MAEA: variants seen among roughly 807,000 people sequenced by gnomAD.
MAEA encodes the protein E3 ubiquitin-protein transferase MAEA.
Under a neutral mutation model 46.2 loss-of-function variants are expected in MAEA, and 22 were observed. The ratio of observed to expected loss-of-function variants is 0.48; its 90% confidence interval spans 0.34 to 0.68. MAEA has a LOEUF of 0.68. MAEA is among the 30% of genes least tolerant of loss of function. The pLI is 0.01. For missense variants in MAEA, 393 were observed against 558.1 expected (o/e 0.70, Z 2.98); for synonymous variants, 246 against 222.6 (o/e 1.11, Z -0.94).
intron 4 of MAEA, among the ~76,000 whole-genome samples, chr4:1,324,376 GA>G (rs1738536628): frequency 6.7e-6 from 1 of 150,034 alleles, no homozygotes; most frequent in Admixed American, 6.6e-5. Context: ...GGTGTTGGAT[GA>G]AGTTGAGGTT....
chr4:1,339,184 A>G lies in MAEA; in HGVS notation c.*15A>G, dbSNP rs775194131. 3.1e-6 allele frequency: 5 copies of G among 1,606,028 alleles called. No individual in the cohort carries two copies. The highest frequency in any genetic ancestry group is 2.2e-5 in the East Asian group (1 of 44,808). On this transcript the variant is annotated 3_prime_UTR_variant, in exon 9 of 9. Transcript: ENST00000303400. ...ACATCATGTAGGCCCCACGTCGTGA[A>G]GCGCACGCCTCGGGGACGGGCTGCA...
intron 1 of MAEA, chr4:1,298,111 C>T: frequency 2.2e-6 from 1 of 456,204 alleles, no homozygotes; most frequent in Non-Finnish European, 4.4e-6. Context: ...CACCCTGTAC[C>T]CCAGGTACTG....
At chr4:1,323,369 TAA>T in intron 4 of MAEA, 1 of 640,944 alleles carries the variant, frequency 1.6e-6, no homozygotes, top group Non-Finnish European at 2.8e-6. Context: ...TAACTTATGT[TAA>T]CACTTCTGCC....
chr4:1,322,995 G>T (rs1017913603), intron 4 of MAEA, among the ~76,000 whole-genome samples: 1 of 117,270 alleles, frequency 8.5e-6, no homozygotes, highest in South Asian at 2.8e-4. Context: ...TCGCTTTGTC[G>T]CCAGGGTGGA....
chr4:1,303,869 C>A (rs1166499769), intron 1 of MAEA, among the ~76,000 whole-genome samples: 1 of 144,146 alleles, frequency 6.9e-6, no homozygotes, highest in Non-Finnish European at 1.5e-5. Flanking sequence ...CATGCTTGCA[C>A]AGTGCCGGCA....
At position 1,311,521 on chromosome 4, in the gene MAEA, C is replaced by T. The variant is rs13128045; in HGVS notation, c.70-458C>T. 0.34 allele frequency among the ~76,000 whole-genome samples: 51,803 copies of T among 151,978 alleles called. 10,589 individuals carry two copies. The highest frequency in any genetic ancestry group is 0.46 in the Non-Finnish European group (31,470 of 67,950). ...TGTGTGAGGCTTGCTGTGCCCAACC[C>T]CAGCCCGTGTGGAGCCCACGCCCCA... On this transcript the variant is annotated intron_variant, in intron 1 of 8. Transcript: ENST00000303400. The surrounding 1 kb of genome is among the most constrained non-coding windows in gnomAD (Gnocchi z 4.4).
chr4:1,309,527 T>C, intron 1 of MAEA: 1 of 1,381,090 alleles, frequency 7.2e-7, no homozygotes, highest in Non-Finnish European at 9.4e-7. Context: ...GAGGGGGTGC[T>C]GCGCTCATCC....
At chr4:1,336,795 G>A (rs1014014921) in intron 6 of MAEA, 66 bp from the exon 7 acceptor site, 34 of 1,529,416 alleles carry the variant, frequency 2.2e-5, no homozygotes, top group East Asian at 6.8e-5. Context: ...CATGGTCCAC[G>A]TTTTTAAGCT....
intron 1 of MAEA, among the ~76,000 whole-genome samples, chr4:1,305,102 C>G (rs1475630095): frequency 6.6e-6 from 1 of 152,144 alleles, no homozygotes; most frequent in Non-Finnish European, 1.5e-5. Flanking sequence ...CTTTCTATTT[C>G]CCATGCTTTT....
intron 4 of MAEA, 56 bp from the exon 5 acceptor site, chr4:1,327,571 G>A: frequency 1.5e-6 from 2 of 1,303,462 alleles, no homozygotes; most frequent in Middle Eastern, 1.9e-4. Flanking sequence ...CGGCACCCGG[G>A]CACCTGGGCT....
At chr4:1,337,111 G>A (rs1712870632) in intron 7 of MAEA, 117 bp downstream of exon 7, 3 of 1,268,414 alleles carry the variant, frequency 2.4e-6, no homozygotes, top group Admixed American at 1.9e-5. Flanking sequence ...ACAGCCCCGA[G>A]CTCCCGTGTG....
At chr4:1,309,714 T>C in intron 1 of MAEA, 1 of 1,525,528 alleles carries the variant, frequency 6.6e-7, no homozygotes, top group Non-Finnish European at 8.8e-7. Context: ...GTGGCCCCGG[T>C]GAGCCCCTCC....
At chr4:1,313,648 G>A (rs112754309) in intron 2 of MAEA, among the ~76,000 whole-genome samples, 15 of 152,222 alleles carry the variant, frequency 9.9e-5, no homozygotes, top group African/African-American at 3.1e-4. Context: ...GATTGCTTGA[G>A]CCCAGGAGGT....
At chr4:1,330,505 TGG>T (rs1287148957) in intron 5 of MAEA, 1 of 151,734 alleles carries the variant, frequency 6.6e-6, no homozygotes, top group Non-Finnish European at 1.5e-5. Flanking sequence ...TTAGTAGAGA[TGG>T]GGTTTCACCA....
At chr4:1,310,187 C>T (rs375030544) in intron 1 of MAEA, among the ~76,000 whole-genome samples, 14 of 152,340 alleles carry the variant, frequency 9.2e-5, no homozygotes, top group African/African-American at 3.1e-4. Flanking sequence ...ATAGGGTCTC[C>T]AGTGGGAGAG....
intron 6 of MAEA, chr4:1,335,075 T>C (rs3856982): frequency 0.21 from 202,424 of 985,120 alleles, 26,789 homozygotes; most frequent in African/African-American, 0.61. Flanking sequence ...TCTGGGTTGA[T>C]GTGAAGGTTT....
chr4:1,335,522 G>A lies in MAEA; in HGVS notation c.766-1339G>A, dbSNP rs534007848. 4.0e-5 allele frequency: 35 copies of A among 875,432 alleles called. 2 individuals are homozygous for A. In the African/African-American group the frequency reaches 4.4e-4, roughly 11 times the overall value. 54.2% of individuals were successfully genotyped at this position (875,432 alleles called of 1,614,324 possible). ...GTTAAGTCAGCACTGGCCCCATGGC[G>A]TGTTGAAACCACAGAGTTAAGTCAG... On this transcript the variant is annotated intron_variant, in intron 6 of 8. Coordinates refer to ENST00000303400, the MANE Select transcript of MAEA (RefSeq NM_001017405.3).
In MAEA at chr4:1,312,146, C is replaced by T. The variant is rs199554247; in HGVS notation, c.237C>T (p.Ser79=). 49 of 1,613,938 alleles carry T rather than the reference C, an allele frequency of 3.0e-5. 1 individual carries two copies. The highest frequency in any genetic ancestry group is 1.8e-4 in the East Asian group (8 of 44,892). Residue 79 remains serine, a synonymous_variant, in exon 2 of 9, where the codon AGC becomes AGT. Coordinates refer to ENST00000303400, the MANE Select transcript of MAEA (RefSeq NM_001017405.3). ...TGGACGGCGTGGTGGAGAAGCTCAG[C>T]GTCCTCAAGAGGAAGGTTGGTCCCG... ...SLLDGVVEKL[S]VLKRKAVESI... is the part of the protein sequence containing the mutation.
chr4:1,300,793 G>A (rs1441546111), intron 1 of MAEA, among the ~76,000 whole-genome samples: 2 of 152,254 alleles, frequency 1.3e-5, no homozygotes, highest in African/African-American at 2.4e-5. Context: ...TTTGTAGGGC[G>A]CAACATCAAT....
Sources: allele counts gnomAD v4.1 joint callset (sites outside exome capture counted in the v4.1 genomes callset), GRCh38; gene constraint gnomAD v4.1.1; non-coding constraint Gnocchi (gnomAD v3.1); transcripts MANE v1.5; gene names NCBI Gene and HGNC (gene_info 2026-07-23, HGNC 2026-07-21).